MRPS35: variants seen among roughly 807,000 people sequenced by gnomAD.
MRPS35 encodes the protein small ribosomal subunit protein mS35.
A neutral mutation model predicts 32.7 loss-of-function variants in MRPS35; 29 were observed. That is an observed-to-expected ratio of 0.89 (90% CI 0.66 to 1.21). The LOEUF is 1.21. Ranked by LOEUF, MRPS35 falls within the 50% of genes most tolerant of loss-of-function variation. The pLI, the probability that MRPS35 is intolerant of heterozygous loss-of-function variation, is 0.00. For synonymous variants in MRPS35, 148 were observed against 139.3 expected, an observed-to-expected ratio of 1.06 and a Z score of -0.44; for missense variants, 373 against 383.8, an observed-to-expected ratio of 0.97 and a Z score of 0.23.
At chr12:27,738,297 C>T (rs574616189) in intron 7 of MRPS35, among the ~76,000 whole-genome samples, 2 of 152,244 alleles carry the variant, frequency 1.3e-5, no homozygotes, top group Non-Finnish European at 2.9e-5. Flanking sequence ...TAATTGTGTG[C>T]ATGAAAATTT....
intron 7 of MRPS35, among the ~76,000 whole-genome samples, chr12:27,747,829 A>T (rs1334227289): frequency 1.3e-5 from 2 of 152,174 alleles, no homozygotes; most frequent in Non-Finnish European, 2.9e-5. Context: ...AAAAAAAAAG[A>T]GGTTCAAGTT....
In MRPS35 at chr12:27,724,195, T is replaced by G. The variant is rs2061890131; in HGVS notation, c.522+9T>G. The G allele has an allele frequency of 1.9e-6, 3 of 1,543,714 alleles. No individual in the cohort carries two copies. In the South Asian group the frequency reaches 3.8e-5, roughly 19 times the overall value. On this transcript the variant is annotated intron_variant, in intron 5 of 7. Coordinates refer to ENST00000081029, the MANE Select transcript of MRPS35 (RefSeq NM_021821.4). Reference sequence around the variant, plus strand: ...GAGTAGTAGTCTTAAGAGTAAGAGTTTTTTTCATTTTTTTTTTTTAAATAA... The same window carrying G: ...GAGTAGTAGTCTTAAGAGTAAGAGTGTTTTTCATTTTTTTTTTTTAAATAA...
intron 3 of MRPS35, among the ~76,000 whole-genome samples, chr12:27,718,727 T>G (rs2061860925): frequency 6.6e-6 from 1 of 152,226 alleles, no homozygotes; most frequent in African/African-American, 2.4e-5. Flanking sequence ...ATAAAATGTT[T>G]ATTATGTACA....
intron 6 of MRPS35, among the ~76,000 whole-genome samples, chr12:27,736,625 A>G (rs2061944296): frequency 2.6e-5 from 4 of 151,722 alleles, no homozygotes; most frequent in Non-Finnish European, 4.4e-5. Flanking sequence ...GTTATTTGTC[A>G]TATGATGGTT....
chr12:27,744,101 A>G (rs547481106), intron 7 of MRPS35, among the ~76,000 whole-genome samples: 1 of 152,320 alleles, frequency 6.6e-6, no homozygotes, highest in South Asian at 2.1e-4. Flanking sequence ...TTGTATAGAT[A>G]TTAAGTTATT....
chr12:27,749,663 C>T (rs1162429565), intron 7 of MRPS35, among the ~76,000 whole-genome samples: 2 of 152,132 alleles, frequency 1.3e-5, no homozygotes, highest in South Asian at 2.1e-4. Context: ...CCCAATGCTT[C>T]GCCTCAAATC....
chr12:27,755,545 T>C lies in MRPS35; in HGVS notation c.*95T>C. ...TAAAATTGAAAATGTTAAAAAATCATTTTTTTTCCTCAGAGTTAAAATTAT... is the reference window on the plus strand; with the variant it reads ...TAAAATTGAAAATGTTAAAAAATCACTTTTTTTCCTCAGAGTTAAAATTAT... On this transcript the variant is annotated 3_prime_UTR_variant, in exon 8 of 8. Coordinates refer to ENST00000081029, the MANE Select transcript of MRPS35 (RefSeq NM_021821.4). 1 of 1,183,326 alleles carries C rather than the reference T, an allele frequency of 8.5e-7. No individual in the cohort carries two copies. Among genetic ancestry groups the C allele is most frequent in the Non-Finnish European group, 1.1e-6 (1 of 877,936 alleles). 73.3% of individuals were successfully genotyped at this position (1,183,326 alleles called of 1,614,324 possible). A position where few individuals can be genotyped will look rare whatever the true frequency, so the allele number is the denominator to read the frequency against.
intron 6 of MRPS35, among the ~76,000 whole-genome samples, chr12:27,737,067 G>A (rs2061945593): frequency 6.6e-6 from 1 of 152,104 alleles, no homozygotes; most frequent in Admixed American, 6.5e-5. Flanking sequence ...TAGAAACAGG[G>A]TTTTTGCTGT....
At chr12:27,747,175 CAT>C (rs759405828) in intron 7 of MRPS35, among the ~76,000 whole-genome samples, 7 of 152,276 alleles carry the variant, frequency 4.6e-5, no homozygotes, top group African/African-American at 1.4e-4. Context: ...CATAACTTTG[CAT>C]ATGTTATTCT....
chr12:27,728,878 T>A (rs1226200801), intron 5 of MRPS35, among the ~76,000 whole-genome samples: 2 of 152,270 alleles, frequency 1.3e-5, no homozygotes, highest in Non-Finnish European at 2.9e-5. Flanking sequence ...CTGATAAGAT[T>A]CCAGTTAAAT....
chr12:27,724,138 A>G lies in MRPS35; in HGVS notation c.474A>G (p.Ser158=), dbSNP rs1429133493. 1.2e-6 allele frequency: 2 copies of G among 1,611,718 alleles called. No homozygotes were observed. The highest frequency in any genetic ancestry group is 2.7e-5 in the African/African-American group (2 of 74,784). ...PIEIDSTDYV[S]SGPSVRNPRA... is the part of the protein sequence containing the mutation. ...AAATTGACAGCACTGATTATGTTTC[A>G]TCAGGACCATCTGTTCGGAACCCCA... The change falls in exon 5 of 8, where the codon TCA becomes TCG. Residue 158 remains serine (S), a synonymous_variant. Coordinates refer to ENST00000081029, the MANE Select transcript of MRPS35 (RefSeq NM_021821.4).
chr12:27,742,499 C>A (rs191690707), intron 7 of MRPS35, among the ~76,000 whole-genome samples: 1 of 152,154 alleles, frequency 6.6e-6, no homozygotes, highest in African/African-American at 2.4e-5. Flanking sequence ...AGGGTTAACT[C>A]CCCCTGAAAA....
At chr12:27,735,680 G>A (rs966003859) in intron 6 of MRPS35, 124 bp downstream of exon 6, 33 of 696,082 alleles carry the variant, frequency 4.7e-5, no homozygotes, top group African/African-American at 4.5e-4. Flanking sequence ...TTCTTATTAA[G>A]CAGAGTTCTC....
At chr12:27,723,099 G>A (rs1311417259) in intron 4 of MRPS35, among the ~76,000 whole-genome samples, 1 of 152,168 alleles carries the variant, frequency 6.6e-6, no homozygotes, top group Non-Finnish European at 1.5e-5. Context: ...ACTTTTAGCT[G>A]TTCTTAGAGT....
intron 7 of MRPS35, 135 bp downstream of exon 7, chr12:27,737,743 C>G (rs753878530): frequency 6.1e-6 from 4 of 658,086 alleles, no homozygotes; most frequent in Non-Finnish European, 1.0e-5. Flanking sequence ...TATGAAATGT[C>G]ATAGGTAGCT....
intron 5 of MRPS35, among the ~76,000 whole-genome samples, chr12:27,730,655 G>T (rs2061918839): frequency 6.6e-6 from 1 of 152,024 alleles, no homozygotes; most frequent in African/African-American, 2.4e-5. Flanking sequence ...TTGCCATGTT[G>T]CCAGGGGGTT....
intron 7 of MRPS35, among the ~76,000 whole-genome samples, chr12:27,743,611 G>A (rs558740021): frequency 5.3e-5 from 8 of 152,278 alleles, no homozygotes; most frequent in Admixed American, 2.0e-4. Flanking sequence ...TTAATAAATC[G>A]TGGGGAAACC....
chr12:27,740,379 C>T (rs1230921804), intron 7 of MRPS35, among the ~76,000 whole-genome samples: 4 of 151,958 alleles, frequency 2.6e-5, no homozygotes, highest in African/African-American at 9.7e-5. Flanking sequence ...GTGACCCTCC[C>T]ACCTCAGCCT....
In MRPS35 at chr12:27,755,382, G is replaced by A; in HGVS notation, c.904G>A (p.Glu302Lys). Residue 302 changes from glutamate (E) to lysine (K), a missense_variant, in exon 8 of 8, where the codon GAG becomes AAG. By Grantham distance (56) the Glu-to-Lys change is moderately conservative (BLOSUM62 1). Coordinates refer to ENST00000081029, the MANE Select transcript of MRPS35 (RefSeq NM_021821.4). Reference sequence around the variant, plus strand: ...AAAGTCTGTTGTTAGTCTTAAAAATGAGGAGGAAAATGAAAATTCCATTTC... The same window carrying A: ...AAAGTCTGTTGTTAGTCTTAAAAATAAGGAGGAAAATGAAAATTCCATTTC... ...YKKSVVSLKN[E>K]EENENSISQY... The A allele has an allele frequency of 6.2e-7, 1 of 1,601,578 alleles. No individual in the cohort carries two copies. The highest frequency in any genetic ancestry group is 8.5e-7 in the Non-Finnish European group (1 of 1,177,282).
Sources: allele counts gnomAD v4.1 joint callset (sites outside exome capture counted in the v4.1 genomes callset), GRCh38; gene constraint gnomAD v4.1.1; transcripts MANE v1.5; gene names NCBI Gene and HGNC (gene_info 2026-07-23, HGNC 2026-07-21).